The following HNF4A variants were observed in gnomAD, a reference collection of about 807,000 sequenced individuals.
HNF4A encodes the protein hepatocyte nuclear factor 4-alpha.
A neutral mutation model predicts 52.4 loss-of-function variants in HNF4A; 15 were observed. The observed-to-expected ratio is 0.29, with a 90% CI of 0.19 to 0.44. The LOEUF is 0.44. Ranked by LOEUF, HNF4A falls within the 20% of genes least tolerant of loss-of-function variation. The pLI, the probability that HNF4A is intolerant of heterozygous loss-of-function variation, is 1.00. For synonymous variants in HNF4A, 280 were observed against 264.4 expected, an observed-to-expected ratio of 1.06 and a Z score of -0.57; for missense variants, 479 against 647.2, an observed-to-expected ratio of 0.74 and a Z score of 2.82.
chr20:44,396,978 C>T (rs1399140514), upstream of HNF4A, among the ~76,000 whole-genome samples: 2 of 152,118 alleles, frequency 1.3e-5, no homozygotes, highest in African/African-American at 4.8e-5. Context: ...TCACGACAAA[C>T]GACAAGTTAG....
intron 1 of HNF4A, among the ~76,000 whole-genome samples, chr20:44,371,715 C>T (rs966750185): frequency 6.6e-6 from 1 of 152,080 alleles, no homozygotes; most frequent in African/African-American, 2.4e-5. Context: ...ATCCCAGCTA[C>T]TTAGGAGGCT....
Position 44,414,597 on chromosome 20 carries a change from C to A in HNF4A, c.583C>A (p.Leu195Met). The A allele has an allele frequency of 4.3e-6, 7 of 1,614,190 alleles. No homozygotes were observed. The highest frequency in any genetic ancestry group is 5.9e-6 in the Non-Finnish European group (7 of 1,180,020). Reference sequence around the variant, plus strand: ...TGTGTGTGAGTCCATGAAGGAGCAGCTGCTGGTTCTCGTTGAGTGGGCCAA... The same window carrying A: ...TGTGTGTGAGTCCATGAAGGAGCAGATGCTGGTTCTCGTTGAGTGGGCCAA... Residue 195 changes from leucine (L) to methionine (M), a missense_variant, in exon 5 of 10, where the codon CTG becomes ATG. Transcript: ENST00000316099.
In HNF4A at chr20:44,379,729, CCT is replaced by C. The variant is rs796538796; in HGVS notation, c.49+23877_49+23878del. ...ATCACACCCGGATAATTTTTCTTTT[CCT>C]TTTTTTTTTTTTTTTTTTTTGAGAC... On this transcript the variant is annotated intron_variant, in intron 1 of 9. Transcript: ENST00000316673. Among the ~76,000 whole-genome samples the C allele has an allele frequency of 4.0e-3, 510 of 128,522 alleles. 8 individuals are homozygous for C. Among genetic ancestry groups the C allele is most frequent in the African/African-American group, 0.014 (456 of 32,982 alleles). The allele number at this position is 128,522 out of a possible 152,430, so 84.3% of individuals were successfully genotyped here.
chr20:44,425,304 C>T (rs191400011), intron 8 of HNF4A, among the ~76,000 whole-genome samples: 1 of 152,298 alleles, frequency 6.6e-6, no homozygotes, highest in Non-Finnish European at 1.5e-5. Context: ...TTCAAACAAA[C>T]CACTCTGTTG....
intron 8 of HNF4A, chr20:44,424,508 C>A: frequency 9.6e-7 from 1 of 1,036,804 alleles, no homozygotes; most frequent in Non-Finnish European, 1.4e-6. Flanking sequence ...AGAACAAGAT[C>A]TTTGCCCTCG....
intron 1 of HNF4A, among the ~76,000 whole-genome samples, chr20:44,366,902 T>C (rs2062975361): frequency 6.6e-6 from 1 of 152,142 alleles, no homozygotes; most frequent in South Asian, 2.1e-4. Flanking sequence ...AATACAAGTG[T>C]CTAGGGCTTG....
rs2063404979 is a variant in HNF4A, at chr20:44,401,346, G to C, written c.-27G>C. 2.5e-6 allele frequency: 4 copies of C among 1,613,692 alleles called. No homozygotes were observed. The highest frequency in any genetic ancestry group is 1.3e-5 in the African/African-American group (1 of 74,926). On this transcript the variant is annotated 5_prime_UTR_variant, in exon 1 of 10. Transcript: ENST00000316099. ...CGGGGTGGGCGCCCAGGGTAGGGCA[G>C]GTGGCCGCGGCGTGGAGGCAGGGAG...
intron 5 of HNF4A, among the ~76,000 whole-genome samples, chr20:44,416,553 A>G (rs928335226): frequency 2.0e-5 from 3 of 152,216 alleles, no homozygotes; most frequent in Non-Finnish European, 4.4e-5. Context: ...GCCTCCCTCC[A>G]TACTGGTCAT....
At chr20:44,388,381 A>ACCCCCCCACCCCCC (rs1227407354) in intron 1 of HNF4A, among the ~76,000 whole-genome samples, 1 of 76,226 alleles carries the variant, frequency 1.3e-5, no homozygotes, top group African/African-American at 9.6e-5. Context: ...GACCCCCCCC[A>ACCCCCCCACCCCCC]CCCCCGTACA....
At chr20:44,385,705 G>A (rs2063214549) in intron 1 of HNF4A, among the ~76,000 whole-genome samples, 1 of 152,126 alleles carries the variant, frequency 6.6e-6, no homozygotes, top group Non-Finnish European at 1.5e-5. Flanking sequence ...TTAGTCTCCA[G>A]TGATCCACCT....
chr20:44,413,797 A>G lies in HNF4A; in HGVS notation c.489A>G (p.Arg163=). The G allele has an allele frequency of 5.6e-6, 9 of 1,608,856 alleles. No homozygotes were observed. Among genetic ancestry groups the G allele is most frequent in the Non-Finnish European group, 7.7e-6 (9 of 1,176,302 alleles). ...TCCTGCAGGCGGAGGTCCTGTCCCG[A>G]CAGGTACCGGGGTGATCCTGCCACC... Residue 163 remains arginine, a synonymous_variant, in exon 4 of 10, where the codon CGA becomes CGG. Coordinates refer to ENST00000316099, the MANE Select transcript of HNF4A (RefSeq NM_000457.6).
rs115209596 is a variant in HNF4A, at chr20:44,373,192, C to T, written c.49+17339C>T. ...AGAGATAGGGTTTTGCTGTGTCACCCGGGCTGGAGTGCAGTGGCATAGTCA... is the reference window on the plus strand; with the variant it reads ...AGAGATAGGGTTTTGCTGTGTCACCTGGGCTGGAGTGCAGTGGCATAGTCA... On this transcript the variant is annotated intron_variant, in intron 1 of 9. Transcript: ENST00000316673. 7.6e-3 allele frequency among the ~76,000 whole-genome samples: 1,151 copies of T among 152,186 alleles called. 8 individuals are homozygous for T. Among genetic ancestry groups the T allele is most frequent in the African/African-American group, 0.027 (1,103 of 41,498 alleles).
intron 1 of HNF4A, among the ~76,000 whole-genome samples, chr20:44,389,258 G>A (rs184594714): frequency 2.6e-5 from 4 of 152,296 alleles, no homozygotes; most frequent in Admixed American, 2.6e-4. Flanking sequence ...GTTTGTAATT[G>A]ACTTCGTTTT....
At chr20:44,427,776 G>A (rs2063829762) in intron 8 of HNF4A, among the ~76,000 whole-genome samples, 1 of 152,250 alleles carries the variant, frequency 6.6e-6, no homozygotes, top group African/African-American at 2.4e-5. Context: ...GGCTTCTAAA[G>A]AGAGGAAATA....
intron 1 of HNF4A, among the ~76,000 whole-genome samples, chr20:44,381,225 G>C (rs940719122): frequency 2.0e-5 from 3 of 150,994 alleles, no homozygotes; most frequent in Non-Finnish European, 4.4e-5. Context: ...CCTCCCTGTA[G>C]CATCCACATT....
chr20:44,406,992 A>T (rs1366352125), intron 2 of HNF4A, among the ~76,000 whole-genome samples: 1 of 152,120 alleles, frequency 6.6e-6, no homozygotes, highest in Non-Finnish European at 1.5e-5. Context: ...CTCCAGAGAG[A>T]GGCTTATGTG....
At chr20:44,377,165 C>T (rs540219372) in intron 1 of HNF4A, among the ~76,000 whole-genome samples, 7 of 152,232 alleles carry the variant, frequency 4.6e-5, no homozygotes, top group East Asian at 1.9e-4. Context: ...AACCATTATC[C>T]GAAGCAAACT....
chr20:44,387,560 T>G (rs888350486), intron 1 of HNF4A, among the ~76,000 whole-genome samples: 1 of 150,328 alleles, frequency 6.7e-6, no homozygotes, highest in Non-Finnish European at 1.5e-5. Flanking sequence ...TCTGAGCCAA[T>G]GTACATTTGT....
At chr20:44,422,611 TC>T (rs1296883859) in intron 7 of HNF4A, among the ~76,000 whole-genome samples, 1 of 151,210 alleles carries the variant, frequency 6.6e-6, no homozygotes, top group African/African-American at 2.4e-5. Flanking sequence ...GATTTTTTTT[TC>T]ATTCATTCAT....
Sources: gnomAD v4.1 joint callset for allele counts (sites outside exome capture counted in the v4.1 genomes callset) on GRCh38, gnomAD v4.1.1 for gene constraint, MANE v1.5 for transcripts, NCBI Gene and HGNC (gene_info 2026-07-23, HGNC 2026-07-21) for gene names.